Variants in HIVEP2 observed in about 807,000 individuals in gnomAD.
HIVEP2 encodes transcription factor HIVEP2.
A neutral mutation model predicts 180.7 loss-of-function variants in HIVEP2; 14 were observed. The observed-to-expected ratio is 0.08, with a 90% CI of 0.05 to 0.12. The LOEUF is 0.12. HIVEP2 is among the 10% of genes least tolerant of loss of function. The probability of loss-of-function intolerance (pLI) is 1.00; values close to 1 mark genes in which losing one functional copy is unlikely to be tolerated. For missense variants in HIVEP2, 2,579 were observed against 3,008.5 expected (o/e 0.86, Z 3.34); for synonymous variants, 1,184 against 1,136.4 (o/e 1.04, Z -0.84).
In HIVEP2 at chr6:142,760,780, T is replaced by G. The variant is rs570598822; in HGVS notation, c.5621-113A>C. 2.3e-5 allele frequency: 17 copies of G among 728,182 alleles called. No individual in the cohort carries two copies. In the African/African-American group the frequency reaches 2.8e-4, roughly 12 times the overall value. The allele number at this position is 728,182 out of a possible 1,614,324, so 45.1% of individuals were successfully genotyped here. A position where few individuals can be genotyped will look rare whatever the true frequency, so the allele number is the denominator to read the frequency against. ...TTTCCCAATCCCTAGTGCCCACAGA[T>G]AGTTATGTCTGAGAACTCCTATAAA... is the stretch of plus-strand genomic sequence containing the variant. On this transcript the variant is annotated intron_variant, in intron 8 of 9. Coordinates refer to ENST00000367603, the MANE Select transcript of HIVEP2 (RefSeq NM_006734.4).
chr6:142,937,420 T>G (rs140217111), intron 1 of HIVEP2, among the ~76,000 whole-genome samples: 1 of 152,304 alleles, frequency 6.6e-6, no homozygotes, highest in African/African-American at 2.4e-5. Flanking sequence ...GTACAAACAT[T>G]CTCATAAAAA....
intron 2 of HIVEP2, among the ~76,000 whole-genome samples, chr6:142,803,598 A>ACACACACACACAC (rs1252252380): frequency 8.4e-4 from 35 of 41,900 alleles, no homozygotes; most frequent in African/African-American, 1.8e-3. Context: ...CACACACACA[A>ACACACACACACAC]AACTCAGGAC....
At chr6:142,885,689 G>A (rs2050311) in intron 1 of HIVEP2, among the ~76,000 whole-genome samples, 36,090 of 152,044 alleles carry the variant, frequency 0.24, 4,809 homozygotes, top group East Asian at 0.36. Flanking sequence ...TGAAGTCAAC[G>A]TGCTGCAGTT....
rs763786525 is a variant in HIVEP2 at position 142,770,494 on chromosome 6, G to A, written c.4245C>T (p.Leu1415=). Residue 1415 remains leucine (L), a synonymous_variant, in exon 5 of 10, where the codon CTC becomes CTT. Coordinates refer to ENST00000367603, the MANE Select transcript of HIVEP2 (RefSeq NM_006734.4). This position sits in a 1 kb window ranked among gnomAD's most constrained non-coding sequence, Gnocchi z 4.7. Reference sequence around the variant, plus strand: ...ACAAGGGGATGGAGGATTCTAAGCCGAGGGGCAAAGTCTGAGGTGCTTTCC... The same window carrying A: ...ACAAGGGGATGGAGGATTCTAAGCCAAGGGGCAAAGTCTGAGGTGCTTTCC... ...PIWKAPQTLP[L]GLESSIPLCL... The A allele has an allele frequency of 4.2e-5, 68 of 1,614,050 alleles. No homozygotes were observed. Among genetic ancestry groups the A allele is most frequent in the Admixed American group, 2.0e-4 (12 of 60,008 alleles).
chr6:142,786,234 T>C (rs2114705572), intron 2 of HIVEP2, among the ~76,000 whole-genome samples: 1 of 152,352 alleles, frequency 6.6e-6, no homozygotes, highest in Non-Finnish European at 1.5e-5. Flanking sequence ...TAGTATGCTA[T>C]TAAAGAAATG....
chr6:142,797,559 A>G (rs1776306931), intron 2 of HIVEP2, among the ~76,000 whole-genome samples: 1 of 152,154 alleles, frequency 6.6e-6, no homozygotes, highest in Non-Finnish European at 1.5e-5. Context: ...GCGCCCAGAT[A>G]GTATGGACAA....
chr6:142,871,879 G>A (rs57393581), intron 1 of HIVEP2, among the ~76,000 whole-genome samples: 3,555 of 152,236 alleles, frequency 0.023, 136 homozygotes, highest in African/African-American at 0.082. Context: ...CCTAAATTCA[G>A]CTGAAATGCA....
intron 1 of HIVEP2, among the ~76,000 whole-genome samples, chr6:142,933,501 G>A (rs187214341): frequency 2.0e-3 from 308 of 152,220 alleles, no homozygotes; most frequent in African/African-American, 7.2e-3. Context: ...TCCTACAGCC[G>A]ACAAGAATAT....
intron 1 of HIVEP2, among the ~76,000 whole-genome samples, chr6:142,876,496 G>A (rs1283935698): frequency 6.6e-6 from 1 of 152,114 alleles, no homozygotes; most frequent in East Asian, 1.9e-4. Context: ...TAGTAGACAG[G>A]TGCAGTGATG....
intron 2 of HIVEP2, among the ~76,000 whole-genome samples, chr6:142,819,672 G>A (rs1776975671): frequency 6.6e-6 from 1 of 152,110 alleles, no homozygotes; most frequent in Admixed American, 6.5e-5. Flanking sequence ...TGCTTGTTAA[G>A]TGTTTACTTT....
intron 2 of HIVEP2, among the ~76,000 whole-genome samples, chr6:142,794,817 A>C (rs531659823): frequency 6.6e-6 from 1 of 152,230 alleles, no homozygotes; most frequent in African/African-American, 2.4e-5. Context: ...AGAAACATGT[A>C]CTTTAATAAG....
intron 2 of HIVEP2, among the ~76,000 whole-genome samples, chr6:142,784,416 T>A (rs532751914): frequency 1.3e-5 from 2 of 152,352 alleles, no homozygotes; most frequent in South Asian, 4.1e-4. Flanking sequence ...TACCACTTCA[T>A]GTGAACATTC....
chr6:142,755,352 T>G (rs1162167500), intron 9 of HIVEP2, among the ~76,000 whole-genome samples: 2 of 152,142 alleles, frequency 1.3e-5, no homozygotes, highest in African/African-American at 4.8e-5. Flanking sequence ...AAATCCCCCT[T>G]GTATTTAATC....
intron 1 of HIVEP2, among the ~76,000 whole-genome samples, chr6:142,879,516 T>A (rs1315209694): frequency 6.6e-6 from 1 of 152,114 alleles, no homozygotes; most frequent in Non-Finnish European, 1.5e-5. Flanking sequence ...AACCCCATTA[T>A]CCTCTTGACC....
chr6:142,945,505 A>G (rs1462050388), upstream of HIVEP2, among the ~76,000 whole-genome samples: 2 of 151,740 alleles, frequency 1.3e-5, no homozygotes, highest in Non-Finnish European at 2.9e-5. The surrounding 1 kb of genome is among the most constrained non-coding windows in gnomAD (Gnocchi z 5.5). Context: ...CCGAGGAGGG[A>G]CCTAGATTCC....
intron 2 of HIVEP2, among the ~76,000 whole-genome samples, chr6:142,827,080 C>T (rs1774923632): frequency 2.6e-5 from 4 of 152,116 alleles, no homozygotes; most frequent in Admixed American, 2.6e-4. Context: ...CATTCTACTA[C>T]TCCTGTTAAT....
At position 142,798,991 on chromosome 6, in the gene HIVEP2, A is replaced by G. The variant is rs550620865; in HGVS notation, c.-527-15376T>C. ...ATACAGGCAAACATTGCATTTACAAAAGTAGGTACTTGACTTTTATTATTT... is the reference window on the plus strand; with the variant it reads ...ATACAGGCAAACATTGCATTTACAAGAGTAGGTACTTGACTTTTATTATTT... On this transcript the variant is annotated intron_variant, in intron 2 of 9. Coordinates refer to ENST00000367603, the MANE Select transcript of HIVEP2 (RefSeq NM_006734.4). Among the ~76,000 whole-genome samples, 8 of 152,308 alleles carry G rather than the reference A, an allele frequency of 5.3e-5. No homozygotes were observed. The South Asian group carries it at 1.7e-3, about 32-fold the overall frequency.
At chr6:142,813,153 C>A (rs547928675) in intron 2 of HIVEP2, among the ~76,000 whole-genome samples, 2 of 152,072 alleles carry the variant, frequency 1.3e-5, no homozygotes, top group East Asian at 1.9e-4. Context: ...GATATATACA[C>A]TGTTTATAAG....
chr6:142,886,011 T>C (rs907318052), intron 1 of HIVEP2, among the ~76,000 whole-genome samples: 5 of 152,354 alleles, frequency 3.3e-5, no homozygotes, highest in African/African-American at 1.2e-4. Context: ...TTTCTGCATC[T>C]ATATCTTTAT....
Sources: allele counts gnomAD v4.1 joint callset (sites outside exome capture counted in the v4.1 genomes callset), GRCh38; gene constraint gnomAD v4.1.1; non-coding constraint Gnocchi (gnomAD v3.1); transcripts MANE v1.5; gene names NCBI Gene and HGNC (gene_info 2026-07-23, HGNC 2026-07-21).